The following ST6GAL2 variants were observed in gnomAD, a reference collection of about 807,000 sequenced individuals.
ST6GAL2 encodes the protein ST6 beta-galactoside alpha-2,6-sialyltransferase 2.
A neutral mutation model predicts 37.5 loss-of-function variants in ST6GAL2; 24 were observed. The observed-to-expected ratio is 0.64, with a 90% confidence interval of 0.46 to 0.90. The LOEUF is 0.90. ST6GAL2 is among the 40% of genes least tolerant of loss of function. The pLI, the probability that ST6GAL2 is intolerant of heterozygous loss-of-function variation, is 0.00. For synonymous variants in ST6GAL2, 306 were observed against 295.1 expected (o/e 1.04, Z -0.38); for missense variants, 715 against 712.7 (o/e 1.00, Z -0.04).
chr2:106,868,497 G>C (rs879406865), intron 1 of ST6GAL2, among the ~76,000 whole-genome samples: 1 of 152,150 alleles, frequency 6.6e-6, no homozygotes, highest in African/African-American at 2.4e-5. Flanking sequence ...ACTCTTCATA[G>C]GTCATAAATT....
At chr2:106,854,671 C>A (rs115677419) in intron 1 of ST6GAL2, among the ~76,000 whole-genome samples, 4 of 152,088 alleles carry the variant, frequency 2.6e-5, no homozygotes, top group African/African-American at 9.7e-5. Context: ...TAACACGCCC[C>A]GGTTTAGATA....
chr2:106,884,248 A>G lies in ST6GAL2; in HGVS notation c.-58+1845T>C, dbSNP rs912375254. 2.1e-4 allele frequency among the ~76,000 whole-genome samples: 32 copies of G among 152,196 alleles called. 1 individual carries two copies. Among genetic ancestry groups the G allele is most frequent in the Admixed American group, 1.0e-3 (16 of 15,278 alleles). On this transcript the variant is annotated intron_variant, in intron 1 of 5. Transcript: ENST00000409382. ...TAGACTCAACTTATGTCTTCACCCC[A>G]CAGAGTAAACCTTTTCCCTCTTAAT...
At chr2:106,841,464 A>T (rs1443362662) in intron 2 of ST6GAL2, among the ~76,000 whole-genome samples, 1 of 152,162 alleles carries the variant, frequency 6.6e-6, no homozygotes, top group African/African-American at 2.4e-5. Context: ...TTTGACTCAC[A>T]TTTGTTTTAC....
In ST6GAL2 at chr2:106,843,786, G is replaced by A. The variant is rs1303047480; in HGVS notation, c.192C>T (p.Ala64=). The A allele has an allele frequency of 3.1e-6, 5 of 1,610,482 alleles. No individual in the cohort carries two copies. Among genetic ancestry groups the A allele is most frequent in the African/African-American group, 1.3e-5 (1 of 74,852 alleles). Reference sequence around the variant, plus strand: ...CCCCAGGCGGGGAGGGCTCATGTGCGGCGCCCATGATGGCCCGCTGCTTCC... The same window carrying A: ...CCCCAGGCGGGGAGGGCTCATGTGCAGCGCCCATGATGGCCCGCTGCTTCC... ...VQGKQRAIMG[A]AHEPSPPGGL... The change falls in exon 2 of 6, where the codon GCC becomes GCT. Residue 64 remains alanine (A), a synonymous_variant. Coordinates refer to ENST00000409382, the MANE Select transcript of ST6GAL2 (RefSeq NM_001142351.2).
intron 2 of ST6GAL2, among the ~76,000 whole-genome samples, chr2:106,837,488 GC>G (rs1676695630): frequency 1.3e-5 from 2 of 152,200 alleles, no homozygotes; most frequent in Admixed American, 1.3e-4. Context: ...AAAGGGTCTT[GC>G]AAAGGCTAAG....
intron 5 of ST6GAL2, among the ~76,000 whole-genome samples, chr2:106,829,418 C>A (rs28573793): frequency 8.5e-5 from 13 of 152,314 alleles, no homozygotes; most frequent in Non-Finnish European, 1.5e-4. Flanking sequence ...TACTTTGAGA[C>A]CACCATGCAA....
chr2:106,854,771 C>G (rs566017670), intron 1 of ST6GAL2, among the ~76,000 whole-genome samples: 1 of 151,936 alleles, frequency 6.6e-6, no homozygotes, highest in Non-Finnish European at 1.5e-5. Context: ...CATTAAGTAA[C>G]CTGAGTGTTT....
chr2:106,811,178 TAATA>T (rs1675595775), intron 5 of ST6GAL2, among the ~76,000 whole-genome samples: 1 of 152,208 alleles, frequency 6.6e-6, no homozygotes, highest in Non-Finnish European at 1.5e-5. Flanking sequence ...CTCTGTCATA[TAATA>T]AATAGTGAAA....
intron 2 of ST6GAL2, among the ~76,000 whole-genome samples, chr2:106,835,532 G>A (rs1025379423): frequency 2.6e-5 from 4 of 152,178 alleles, no homozygotes; most frequent in East Asian, 1.9e-4. Context: ...TGCATAAAGC[G>A]TAGGTGGCTG....
intron 2 of ST6GAL2, among the ~76,000 whole-genome samples, chr2:106,839,231 T>A (rs930457286): frequency 2.0e-5 from 3 of 152,086 alleles, no homozygotes; most frequent in African/African-American, 7.2e-5. Flanking sequence ...ATGTACTCCC[T>A]GTAGCTCTCA....
At chr2:106,810,182 C>A (rs1350269006) in intron 5 of ST6GAL2, among the ~76,000 whole-genome samples, 1 of 152,114 alleles carries the variant, frequency 6.6e-6, no homozygotes, top group Non-Finnish European at 1.5e-5. Flanking sequence ...GCTAGTTAAC[C>A]GTTAAATCGT....
Position 106,843,885 on chromosome 2 carries a change from G to T in ST6GAL2, c.93C>A (p.Thr31=). 6.2e-7 allele frequency: 1 copy of T among 1,607,430 alleles called. No individual in the cohort carries two copies. Among genetic ancestry groups the T allele is most frequent in the South Asian group, 1.1e-5 (1 of 91,076 alleles). The change falls in exon 2 of 6, where the codon ACC becomes ACA. Residue 31 remains threonine (T), a synonymous_variant. Transcript: ENST00000409382. The part of the protein sequence containing the change: ...LLFLLIFIYF[T]DSNPAEPVPS... Reference sequence around the variant, plus strand: ...GTACAGGCTCAGCGGGGTTGCTGTCGGTGAAGTAGATGAAAATCAGCAAAA... The same window carrying T: ...GTACAGGCTCAGCGGGGTTGCTGTCTGTGAAGTAGATGAAAATCAGCAAAA...
intron 1 of ST6GAL2, among the ~76,000 whole-genome samples, chr2:106,861,423 G>A (rs1404781394): frequency 2.0e-5 from 3 of 152,014 alleles, no homozygotes; most frequent in Non-Finnish European, 2.9e-5. Flanking sequence ...TTAATTGTGT[G>A]TCTGTGTGTG....
intron 2 of ST6GAL2, among the ~76,000 whole-genome samples, chr2:106,835,488 G>C (rs1468988867): frequency 6.6e-6 from 1 of 152,162 alleles, no homozygotes; most frequent in African/African-American, 2.4e-5. Context: ...TCCAGCTTTA[G>C]CACCAAAATT....
intron 5 of ST6GAL2, chr2:106,824,746 T>C (rs1676139215): frequency 6.6e-6 from 1 of 152,242 alleles, no homozygotes; most frequent in Non-Finnish European, 1.5e-5. Context: ...ATACATTACA[T>C]TGTTTTAACT....
At chr2:106,858,204 T>G (rs1371543638) in intron 1 of ST6GAL2, among the ~76,000 whole-genome samples, 1 of 152,214 alleles carries the variant, frequency 6.6e-6, no homozygotes, top group Admixed American at 6.5e-5. Flanking sequence ...TTACTCATGT[T>G]TTTTACTCAC....
chr2:106,829,523 A>C (rs34200056), intron 5 of ST6GAL2, among the ~76,000 whole-genome samples: 12,191 of 152,246 alleles, frequency 0.08, 1,162 homozygotes, highest in East Asian at 0.49. Context: ...GGAGTGAAGT[A>C]ATCCCACAAA....
chr2:106,849,227 C>A (rs563573005), intron 1 of ST6GAL2, among the ~76,000 whole-genome samples: 6 of 152,178 alleles, frequency 3.9e-5, no homozygotes, highest in Middle Eastern at 6.8e-3. Flanking sequence ...TTCCTAAGCG[C>A]CTCAACTGAC....
At chr2:106,877,007 G>C (rs1364263682) in intron 1 of ST6GAL2, among the ~76,000 whole-genome samples, 1 of 152,076 alleles carries the variant, frequency 6.6e-6, no homozygotes, top group East Asian at 1.9e-4. Flanking sequence ...GTGGTAGGTG[G>C]GGGAAAGTAA....
Sources: allele counts gnomAD v4.1 joint callset (sites outside exome capture counted in the v4.1 genomes callset), GRCh38; gene constraint gnomAD v4.1.1; transcripts MANE v1.5; gene names NCBI Gene and HGNC (gene_info 2026-07-23, HGNC 2026-07-21).